NUDCD3: variants seen among roughly 807,000 people sequenced by gnomAD.
NUDCD3 encodes the protein NudC domain containing 3.
NUDCD3 carries 13 observed loss-of-function variants against 39.7 expected under a neutral mutation model. The ratio of observed to expected loss-of-function variants is 0.33; its 90% CI spans 0.21 to 0.52. The LOEUF is 0.52. Ranked by LOEUF, NUDCD3 falls within the 20% of genes least tolerant of loss-of-function variation. NUDCD3 has a pLI of 0.96. For synonymous variants in NUDCD3, 175 were observed against 172.4 expected (o/e 1.02, Z -0.12); for missense variants, 453 against 458.1 (o/e 0.99, Z 0.10).
At chr7:44,477,735 C>G (rs539264328) in intron 2 of NUDCD3, among the ~76,000 whole-genome samples, 1 of 152,018 alleles carries the variant, frequency 6.6e-6, no homozygotes, top group South Asian at 2.1e-4. Flanking sequence ...TGTCTGCAGG[C>G]ACTGGTCACC....
intron 2 of NUDCD3, among the ~76,000 whole-genome samples, chr7:44,461,416 C>G (rs1377888740): frequency 6.6e-6 from 1 of 152,182 alleles, no homozygotes; most frequent in Non-Finnish European, 1.5e-5. Context: ...GAAGGGCAAG[C>G]TGCATATGAA....
chr7:44,454,838 G>A (rs1317249325), intron 2 of NUDCD3, among the ~76,000 whole-genome samples: 3 of 151,986 alleles, frequency 2.0e-5, no homozygotes, highest in African/African-American at 7.3e-5. Flanking sequence ...GAGGCTATGG[G>A]TAGGAGGATT....
At chr7:44,446,687 G>A (rs763629154) in intron 2 of NUDCD3, among the ~76,000 whole-genome samples, 2 of 152,196 alleles carry the variant, frequency 1.3e-5, no homozygotes, top group Non-Finnish European at 2.9e-5. Flanking sequence ...GTAGGGGGCT[G>A]TCTGCGTATC....
chr7:44,412,947 A>G (rs1161713370), intron 3 of NUDCD3, among the ~76,000 whole-genome samples: 4 of 150,706 alleles, frequency 2.7e-5, no homozygotes, highest in Non-Finnish European at 5.9e-5. Context: ...AAAAAAGAAA[A>G]AAAAAAAGAA....
At chr7:44,465,539 A>G (rs960861446) in intron 2 of NUDCD3, among the ~76,000 whole-genome samples, 3 of 152,272 alleles carry the variant, frequency 2.0e-5, no homozygotes, top group Non-Finnish European at 4.4e-5. Flanking sequence ...CTTCCTGCTC[A>G]ATTTTGCTGT....
intron 3 of NUDCD3, among the ~76,000 whole-genome samples, chr7:44,416,358 G>C (rs1459841864): frequency 6.6e-6 from 1 of 152,030 alleles, no homozygotes. Context: ...CAAAGTGCTG[G>C]GATTACAGGC....
At chr7:44,461,059 T>C (rs1008694293) in intron 2 of NUDCD3, among the ~76,000 whole-genome samples, 11 of 152,186 alleles carry the variant, frequency 7.2e-5, no homozygotes, top group African/African-American at 2.4e-4. Context: ...CTCAAAACGC[T>C]CCTTCAAGAC....
intron 2 of NUDCD3, among the ~76,000 whole-genome samples, chr7:44,461,225 C>T (rs560457561): frequency 2.6e-5 from 4 of 152,340 alleles, no homozygotes; most frequent in Non-Finnish European, 5.9e-5. Context: ...GTATTTCTGA[C>T]ATTCCAGAAA....
At chr7:44,460,520 C>T (rs1799985534) in intron 2 of NUDCD3, among the ~76,000 whole-genome samples, 1 of 152,082 alleles carries the variant, frequency 6.6e-6, no homozygotes, top group South Asian at 2.1e-4. Context: ...TACCACGTGC[C>T]CTTTTTAAAA....
intron 3 of NUDCD3, among the ~76,000 whole-genome samples, chr7:44,413,629 GA>G (rs1036487764): frequency 6.6e-6 from 1 of 152,266 alleles, no homozygotes; most frequent in African/African-American, 2.4e-5. Context: ...TTCAACTTAC[GA>G]AACCCCAAAA....
At chr7:44,391,303 G>A (rs542030420) in intron 5 of NUDCD3, among the ~76,000 whole-genome samples, 17 of 152,296 alleles carry the variant, frequency 1.1e-4, no homozygotes, top group African/African-American at 3.6e-4. Flanking sequence ...ACTCCTCTCC[G>A]CAGGCTCCTT....
chr7:44,467,222 G>A (rs776501542), intron 2 of NUDCD3, among the ~76,000 whole-genome samples: 14 of 152,202 alleles, frequency 9.2e-5, no homozygotes, highest in Non-Finnish European at 2.1e-4. Flanking sequence ...GAAGGAAGGA[G>A]AGTCCCTTCC....
chr7:44,425,225 G>A (rs924927138), intron 3 of NUDCD3, among the ~76,000 whole-genome samples: 1 of 152,076 alleles, frequency 6.6e-6, no homozygotes, highest in Non-Finnish European at 1.5e-5. Flanking sequence ...CGGGTTGATA[G>A]GCACAGCAAA....
chr7:44,473,712 CAA>C (rs1800302093), intron 2 of NUDCD3, among the ~76,000 whole-genome samples: 3 of 152,294 alleles, frequency 2.0e-5, no homozygotes, highest in South Asian at 4.1e-4. Context: ...TCCTAACTTT[CAA>C]AAATGTTACC....
At chr7:44,400,899 T>C (rs1798709729) in intron 4 of NUDCD3, among the ~76,000 whole-genome samples, 1 of 152,314 alleles carries the variant, frequency 6.6e-6, no homozygotes, top group East Asian at 1.9e-4. Context: ...CAAAGACCCT[T>C]TTCCCAAATA....
At chr7:44,390,846 G>A (rs1255053960) in intron 5 of NUDCD3, among the ~76,000 whole-genome samples, 1 of 152,220 alleles carries the variant, frequency 6.6e-6, no homozygotes, top group African/African-American at 2.4e-5. Context: ...GCCATAACCA[G>A]GCAGGTCTGG....
chr7:44,488,659 C>A (rs1276090162), intron 1 of NUDCD3, among the ~76,000 whole-genome samples: 1 of 152,204 alleles, frequency 6.6e-6, no homozygotes, highest in African/African-American at 2.4e-5. Context: ...TTCCCCTAAA[C>A]CCAGGTGACA....
In NUDCD3 at chr7:44,404,530, A is replaced by G. The variant is rs1798781119; in HGVS notation, c.696T>C (p.Asn232=). The G allele has an allele frequency of 6.2e-7, 1 of 1,613,786 alleles. No individual in the cohort carries two copies. Among genetic ancestry groups the G allele is most frequent in the African/African-American group, 1.3e-5 (1 of 74,824 alleles). ...TCCCTTCCATGAGGACGCGCTCCCCATTTTCCTCCAGCATGGCCACACGAA... is the reference window on the plus strand; with the variant it reads ...TCCCTTCCATGAGGACGCGCTCCCCGTTTTCCTCCAGCATGGCCACACGAA... ...SSIRVAMLEE[N]GERVLMEGKL... Residue 232 remains asparagine, a synonymous_variant, in exon 4 of 6, where the codon AAT becomes AAC. Coordinates refer to ENST00000355451, the MANE Select transcript of NUDCD3 (RefSeq NM_015332.4).
intron 3 of NUDCD3, among the ~76,000 whole-genome samples, chr7:44,407,578 A>AG (rs1798852195): frequency 6.6e-6 from 1 of 151,500 alleles, no homozygotes; most frequent in African/African-American, 2.4e-5. Flanking sequence ...AAAAAAAAAA[A>AG]AAAAAAAACT....
Sources: allele counts gnomAD v4.1 joint callset (sites outside exome capture counted in the v4.1 genomes callset), GRCh38; gene constraint gnomAD v4.1.1; transcripts MANE v1.5; gene names NCBI Gene and HGNC (gene_info 2026-07-23, HGNC 2026-07-21).